Variants in ERH observed in about 807,000 individuals in gnomAD.
ERH encodes the protein enhancer of rudimentary homolog.
ERH carries 1 observed loss-of-function variant against 16.8 expected under a neutral mutation model. The ratio of observed to expected loss-of-function variants is 0.06; its 90% CI spans 0.02 to 0.28. The LOEUF (loss-of-function observed/expected upper bound fraction) is 0.28. Among genes scored for constraint, ERH ranks in the 10% least tolerant of loss-of-function variants. ERH has a pLI of 1.00. For missense variants in ERH, 42 were observed against 127.5 expected, an observed-to-expected ratio of 0.33 and a Z score of 3.23; for synonymous variants, 43 against 43.6, an observed-to-expected ratio of 0.99 and a Z score of 0.05.
At chr14:69,391,343 A>G (rs922917589) in intron 2 of ERH, among the ~76,000 whole-genome samples, 4 of 152,080 alleles carry the variant, frequency 2.6e-5, no homozygotes, top group Non-Finnish European at 5.9e-5. Context: ...AGTAAGAACC[A>G]TAAAAGCATA....
chr14:69,385,244 C>G (rs1260463661), intron 3 of ERH, among the ~76,000 whole-genome samples: 1 of 152,216 alleles, frequency 6.6e-6, no homozygotes, highest in East Asian at 1.9e-4. Context: ...ATCACAATGA[C>G]TGATTTCACT....
rs1038534181 is a variant in ERH, at chr14:69,394,862, A to G, written c.54T>C (p.Thr18=). Residue 18 remains threonine (T), a synonymous_variant, in exon 2 of 4, where the codon ACT becomes ACC. Transcript: ENST00000557016. ...VQPTKRPEGR[T]YADYESVNEC... ...CATTCACAGATTCGTAGTCAGCATA[A>G]GTTCTGCCTTCTGGCCTCTTGGTAG... is the stretch of plus-strand genomic sequence containing the variant. 4 of 1,613,916 alleles carry G rather than the reference A, an allele frequency of 2.5e-6. No individual in the cohort carries two copies. The highest frequency in any genetic ancestry group is 2.5e-6 in the Non-Finnish European group (3 of 1,179,912).
In ERH at chr14:69,383,496, T is replaced by G. The variant is rs150398384; in HGVS notation, c.213-2856A>C. Among the ~76,000 whole-genome samples the G allele has an allele frequency of 3.1e-3, 478 of 152,334 alleles. 4 individuals carry two copies. The highest frequency in any genetic ancestry group is 0.011 in the African/African-American group (464 of 41,566). On this transcript the variant is annotated intron_variant, in intron 3 of 3. Transcript: ENST00000557016. ...GGTTACCTCTTTGGAAACAATACCTTATTTCTCCTGAATATTCAAAGAACA... is the reference window on the plus strand; with the variant it reads ...GGTTACCTCTTTGGAAACAATACCTGATTTCTCCTGAATATTCAAAGAACA...
At chr14:69,380,741 AT>A in intron 3 of ERH, 101 bp from the exon 4 acceptor site, 1 of 632,772 alleles carries the variant, frequency 1.6e-6, no homozygotes, top group South Asian at 2.0e-5. Flanking sequence ...AGATGTGCAC[AT>A]TTCCAAAAAT....
intron 1 of ERH, 147 bp downstream of exon 1, chr14:69,398,084 G>T: frequency 9.6e-7 from 1 of 1,041,722 alleles, no homozygotes; most frequent in Non-Finnish European, 1.4e-6. Context: ...TCCCTGCGGC[G>T]GGAAGAAGGG....
chr14:69,397,767 A>T (rs1278417178), intron 1 of ERH, among the ~76,000 whole-genome samples: 1 of 152,142 alleles, frequency 6.6e-6, no homozygotes, highest in Non-Finnish European at 1.5e-5. Flanking sequence ...AAAATAAAAA[A>T]ATTAGCCGAG....
chr14:69,394,628 A>G (rs1447362905), intron 2 of ERH, among the ~76,000 whole-genome samples, 197 bp downstream of exon 2: 5 of 152,206 alleles, frequency 3.3e-5, no homozygotes, highest in Non-Finnish European at 7.3e-5. Context: ...ACAAATAAAT[A>G]AAATGTTCAA....
chr14:69,383,803 T>C (rs553559213), intron 3 of ERH, among the ~76,000 whole-genome samples: 32 of 152,196 alleles, frequency 2.1e-4, no homozygotes, highest in Non-Finnish European at 3.7e-4. Context: ...TAGCAAATAT[T>C]GTATTAAAAA....
Position 69,381,970 on chromosome 14 carries a change from C to T in ERH, c.213-1330G>A, listed in dbSNP as rs374488488. ...CCGCCCAAAGTGCTGGGATTACAGGCGTGAGCCACCGCACCTGGCCTCCTT... is the reference window on the plus strand; with the variant it reads ...CCGCCCAAAGTGCTGGGATTACAGGTGTGAGCCACCGCACCTGGCCTCCTT... On this transcript the variant is annotated intron_variant, in intron 3 of 3. Transcript: ENST00000557016. 4.9e-4 allele frequency among the ~76,000 whole-genome samples: 74 copies of T among 152,336 alleles called. 1 individual carries two copies. In the South Asian group the frequency reaches 0.015, roughly 30 times the overall value.
chr14:69,386,408 T>C (rs1057016058), intron 3 of ERH, among the ~76,000 whole-genome samples: 6 of 152,266 alleles, frequency 3.9e-5, no homozygotes, highest in African/African-American at 1.2e-4. Flanking sequence ...ACTCAATTTC[T>C]GTTCGCTAAT....
intron 3 of ERH, among the ~76,000 whole-genome samples, chr14:69,382,583 C>T (rs539328329): frequency 6.6e-6 from 1 of 152,038 alleles, no homozygotes; most frequent in South Asian, 2.1e-4. Flanking sequence ...CCTGTAATCC[C>T]AGCACTTTGG....
intron 1 of ERH, among the ~76,000 whole-genome samples, chr14:69,395,200 A>G (rs1433741513): frequency 6.6e-6 from 1 of 152,114 alleles, no homozygotes; most frequent in African/African-American, 2.4e-5. Flanking sequence ...AGCACTTTGG[A>G]AGTCTAAGGC....
intron 1 of ERH, 28 bp from the exon 2 acceptor site, chr14:69,394,940 A>G: frequency 6.7e-7 from 1 of 1,486,848 alleles, no homozygotes; most frequent in Non-Finnish European, 9.3e-7. Context: ...ATTTCAATAT[A>G]AGTTTCTATT....
chr14:69,394,194 C>T (rs1445576763), intron 2 of ERH, among the ~76,000 whole-genome samples: 1 of 151,822 alleles, frequency 6.6e-6, no homozygotes, highest in Admixed American at 6.6e-5. Context: ...AAAATATTTC[C>T]ATACTGTAAC....
intron 3 of ERH, among the ~76,000 whole-genome samples, chr14:69,385,135 T>A (rs1409119494): frequency 2.6e-5 from 4 of 152,180 alleles, no homozygotes; most frequent in African/African-American, 9.7e-5. Flanking sequence ...GTTGCTGTTG[T>A]CCTCATATAT....
At position 69,386,965 on chromosome 14, in the gene ERH, C is replaced by T. The variant is rs762963699; in HGVS notation, c.210G>A (p.Leu70=). The change falls in exon 3 of 4, where the codon CTG becomes CTA. Residue 70 remains leucine (L), a splice_region_variant and synonymous_variant. Coordinates refer to ENST00000557016, the MANE Select transcript of ERH (RefSeq NM_004450.3). The stretch of plus-strand genomic sequence containing the variant: ...AAGACATGTTGGCTAATACTTACAC[C>T]AGGCAGCTGAGGTCTGCCAGATCAT... ...FIDDLADLSC[L]VYRADTQTYQ... 1 of 1,613,154 alleles carries T rather than the reference C, an allele frequency of 6.2e-7. No individual in the cohort carries two copies. The highest frequency in any genetic ancestry group is 2.2e-5 in the East Asian group (1 of 44,864).
intron 1 of ERH, 198 bp downstream of exon 1, chr14:69,398,033 A>G: frequency 1.5e-6 from 1 of 686,176 alleles, no homozygotes; most frequent in Non-Finnish European, 2.5e-6. Context: ...GCGCAACCGC[A>G]GGGCGGACCG....
intron 2 of ERH, among the ~76,000 whole-genome samples, chr14:69,389,465 C>T (rs968071436): frequency 4.6e-5 from 7 of 152,170 alleles, no homozygotes; most frequent in Non-Finnish European, 1.0e-4. Context: ...AAAGAGATAA[C>T]AGGCCTTCAG....
At chr14:69,398,009 G>C in intron 1 of ERH, 3 of 615,988 alleles carry the variant, frequency 4.9e-6, no homozygotes, top group South Asian at 3.8e-5. Flanking sequence ...CCGGACCCGA[G>C]CGAGCAGGCG....
Sources: gnomAD v4.1 joint callset for allele counts (sites outside exome capture counted in the v4.1 genomes callset) on GRCh38, gnomAD v4.1.1 for gene constraint, MANE v1.5 for transcripts, NCBI Gene and HGNC (gene_info 2026-07-23, HGNC 2026-07-21) for gene names.